Variants in FAM135B observed in about 807,000 individuals in gnomAD.
The protein encoded by FAM135B is family with sequence similarity 135 member B, also known as protein FAM135B.
A neutral mutation model predicts 127.7 loss-of-function variants in FAM135B; 43 were observed. The ratio of observed to expected loss-of-function variants is 0.34; its 90% CI spans 0.26 to 0.43. The LOEUF (loss-of-function observed/expected upper bound fraction) is 0.43. Ranked by LOEUF, FAM135B falls within the 20% of genes least tolerant of loss-of-function variation. The pLI is 1.00. For synonymous variants in FAM135B, 670 were observed against 665.1 expected (o/e 1.01, Z -0.11); for missense variants, 1,558 against 1,725.6 (o/e 0.90, Z 1.72).
At chr8:138,146,193 T>G (rs1469514381) in intron 14 of FAM135B, 143 bp from the exon 15 acceptor site, 2 of 580,044 alleles carry the variant, frequency 3.4e-6, no homozygotes, top group Admixed American at 3.2e-5. Flanking sequence ...TATAAACAAC[T>G]AAAACAGCTA....
intron 1 of FAM135B, among the ~76,000 whole-genome samples, chr8:138,389,183 G>A (rs1036766085): frequency 6.6e-6 from 1 of 152,166 alleles, no homozygotes; most frequent in African/African-American, 2.4e-5. Flanking sequence ...AGACATTGGA[G>A]CCCTTATACA....
chr8:138,333,421 A>G (rs917531064), intron 2 of FAM135B, among the ~76,000 whole-genome samples: 4 of 152,008 alleles, frequency 2.6e-5, no homozygotes, highest in Non-Finnish European at 5.9e-5. Context: ...GCCCTTCCAC[A>G]TTTCCACATC....
intron 2 of FAM135B, among the ~76,000 whole-genome samples, chr8:138,325,244 C>T (rs923833484): frequency 2.0e-5 from 3 of 152,238 alleles, no homozygotes; most frequent in East Asian, 1.9e-4. Context: ...ATGGAGCCTC[C>T]GCAGAAGCCC....
chr8:138,257,483 T>A (rs994578642), intron 4 of FAM135B, among the ~76,000 whole-genome samples: 4 of 152,148 alleles, frequency 2.6e-5, no homozygotes, highest in Non-Finnish European at 4.4e-5. Flanking sequence ...TGGAAGATGG[T>A]ACCCCTAGTT....
rs2130792234 is a variant in FAM135B at position 138,153,129 on chromosome 8, A to G, written c.1346T>C (p.Met449Thr). ...CCTAAAAGATAAATTGCTATTTACC[A>G]TACAGTTATCTTCCTTGTCTTTCAG... The part of the protein sequence containing the change: ...MNLKDKEDNC[M>T]VNSNLSFRED... The change falls in exon 13 of 20, where the codon ATG becomes ACG. Residue 449 changes from methionine to threonine, a missense_variant. By Grantham distance (81) the Met-to-Thr change is moderately conservative. Coordinates refer to ENST00000395297, the MANE Select transcript of FAM135B (RefSeq NM_015912.4). The G allele has an allele frequency of 1.2e-6, 2 of 1,613,922 alleles. No individual in the cohort carries two copies. The highest frequency in any genetic ancestry group is 2.2e-5 in the South Asian group (2 of 91,056).
chr8:138,335,936 C>T (rs4439135), intron 2 of FAM135B, among the ~76,000 whole-genome samples: 1,979 of 152,230 alleles, frequency 0.013, 35 homozygotes, highest in African/African-American at 0.045. Flanking sequence ...CAAACTAGAA[C>T]TCAGGATTAA....
chr8:138,451,784 GACACAGA>G (rs1174761425), intron 1 of FAM135B, among the ~76,000 whole-genome samples: 1 of 152,298 alleles, frequency 6.6e-6, no homozygotes, highest in East Asian at 1.9e-4. Flanking sequence ...AACAGTGCCT[GACACAGA>G]TAAATGTCCA....
rs550486080 is a variant in FAM135B, at chr8:138,293,863, C to T, written c.157+16978G>A. ...GATTTCTTAAAGAACTAAAAGTAGG[C>T]CTACCGTTTGACCCAACAATCCCAG... On this transcript the variant is annotated intron_variant, in intron 3 of 19. Transcript: ENST00000395297. Among the ~76,000 whole-genome samples, 5 of 152,188 alleles carry T rather than the reference C, an allele frequency of 3.3e-5. No homozygotes were observed. The East Asian group carries it at 9.7e-4, about 29-fold the overall frequency.
chr8:138,384,836 T>C (rs1452207175), intron 1 of FAM135B, among the ~76,000 whole-genome samples: 1 of 152,000 alleles, frequency 6.6e-6, no homozygotes, highest in Non-Finnish European at 1.5e-5. Context: ...CCACACTGCA[T>C]CTCTGCTACT....
At chr8:138,399,197 T>C (rs1833010631) in intron 1 of FAM135B, among the ~76,000 whole-genome samples, 1 of 152,184 alleles carries the variant, frequency 6.6e-6, no homozygotes, top group Non-Finnish European at 1.5e-5. Context: ...GCTGAATTAA[T>C]AATAGCATCC....
At chr8:138,405,193 T>C (rs1833396944) in intron 1 of FAM135B, among the ~76,000 whole-genome samples, 1 of 151,544 alleles carries the variant, frequency 6.6e-6, no homozygotes, top group Non-Finnish European at 1.5e-5. Context: ...TTTCAATGAG[T>C]AGTAATATTC....
intron 1 of FAM135B, among the ~76,000 whole-genome samples, chr8:138,471,738 T>A (rs1837686420): frequency 6.6e-6 from 1 of 152,150 alleles, no homozygotes; most frequent in South Asian, 2.1e-4. Context: ...TAAGAACACC[T>A]GGGATTTGCA....
chr8:138,390,583 T>A (rs1388316909), intron 1 of FAM135B, among the ~76,000 whole-genome samples: 1 of 152,200 alleles, frequency 6.6e-6, no homozygotes, highest in East Asian at 1.9e-4. Context: ...CTATCACCAC[T>A]GTATCTCCAG....
chr8:138,471,944 T>C (rs566450153), intron 1 of FAM135B, among the ~76,000 whole-genome samples: 1 of 152,174 alleles, frequency 6.6e-6, no homozygotes, highest in South Asian at 2.1e-4. Flanking sequence ...GAAGACATGG[T>C]CAACTTGGTC....
chr8:138,253,411 T>A (rs1366260848), intron 5 of FAM135B, among the ~76,000 whole-genome samples: 1 of 152,118 alleles, frequency 6.6e-6, no homozygotes, highest in Non-Finnish European at 1.5e-5. Context: ...TGCTTTCTTG[T>A]GGTGGGAGGG....
At chr8:138,240,071 A>G (rs1395219647) in intron 7 of FAM135B, among the ~76,000 whole-genome samples, 1 of 152,178 alleles carries the variant, frequency 6.6e-6, no homozygotes, top group Non-Finnish European at 1.5e-5. Flanking sequence ...TGGGTGTAGC[A>G]CACCAACATG....
In FAM135B at chr8:138,309,708, T is replaced by G. The variant is rs149810749; in HGVS notation, c.157+1133A>C. On this transcript the variant is annotated intron_variant, in intron 3 of 19. Transcript: ENST00000395297. ...CAAATTCCAAGTGAATTATATGAAG[T>G]GTAGCTATGACCAGTACTCTTAGCT... Among the ~76,000 whole-genome samples the G allele has an allele frequency of 5.3e-5, 8 of 152,340 alleles. No individual in the cohort carries two copies. In the East Asian group the frequency reaches 1.5e-3, roughly 29 times the overall value.
chr8:138,152,530 T>C lies in FAM135B; in HGVS notation c.1945A>G (p.Arg649Gly), dbSNP rs574308631. Residue 649 changes from arginine (R) to glycine (G), a missense_variant, in exon 13 of 20, where the codon AGG becomes GGG. Around this residue, in one of 5 missense-constraint regions of FAM135B, gnomAD observed 923 missense variants for 865.3 expected, o/e 1.07. Transcript: ENST00000395297. ...GAAGACCTAATATCTAAGGGCTCCCTCAGGGTAGAACTTAGTGGATCACAG... is the reference window on the plus strand; with the variant it reads ...GAAGACCTAATATCTAAGGGCTCCCCCAGGGTAGAACTTAGTGGATCACAG... ...EPCDPLSSTL[R>G]EPLDIRSSLK... is the part of the protein sequence containing the mutation. 20 of 1,614,176 alleles carry C rather than the reference T, an allele frequency of 1.2e-5. No homozygotes were observed. The South Asian group carries it at 2.2e-4, about 18-fold the overall frequency.
At chr8:138,186,585 C>A (rs1246449954) in intron 9 of FAM135B, among the ~76,000 whole-genome samples, 1 of 152,214 alleles carries the variant, frequency 6.6e-6, no homozygotes, top group African/African-American at 2.4e-5. Context: ...TTTACCAAAC[C>A]AAGGAGTAGG....
Sources: allele counts gnomAD v4.1 joint callset (sites outside exome capture counted in the v4.1 genomes callset), GRCh38; gene constraint gnomAD v4.1.1; regional missense constraint gnomAD v4.1.1; transcripts MANE v1.5; gene names NCBI Gene and HGNC (gene_info 2026-07-23, HGNC 2026-07-21).